Variants in KYNU observed in about 807,000 individuals in gnomAD.
The protein encoded by KYNU is L-kynurenine hydrolase.
Under a neutral mutation model 59.2 loss-of-function variants are expected in KYNU, and 54 were observed. That is an observed-to-expected ratio of 0.91 (90% CI 0.73 to 1.14). The LOEUF (loss-of-function observed/expected upper bound fraction) is 1.14, where lower values mean the gene tolerates loss of function less well. Among genes scored for constraint, KYNU ranks in the 50% most tolerant of loss-of-function variants. KYNU has a pLI of 0.00. For missense variants in KYNU, 567 were observed against 554.4 expected (o/e 1.02, Z -0.23); for synonymous variants, 177 against 192.0 (o/e 0.92, Z 0.65).
At chr2:143,038,054 G>T (rs938206716) in intron 12 of KYNU, among the ~76,000 whole-genome samples, 1 of 152,250 alleles carries the variant, frequency 6.6e-6, no homozygotes, top group Admixed American at 6.5e-5. Flanking sequence ...TCAAGAGAAA[G>T]CTTCAAGAGC....
chr2:143,019,660 T>C (rs928947921), intron 10 of KYNU, among the ~76,000 whole-genome samples: 7 of 152,148 alleles, frequency 4.6e-5, no homozygotes, highest in Admixed American at 3.3e-4. Flanking sequence ...ATCAGGGTAA[T>C]GCTGGCCTCA....
At position 143,033,621 on chromosome 2, in the gene KYNU, T is replaced by C. The variant is rs977325495; in HGVS notation, c.1041+300T>C. On this transcript the variant is annotated intron_variant, in intron 12 of 13. Coordinates refer to ENST00000264170, the MANE Select transcript of KYNU (RefSeq NM_003937.3). Reference sequence around the variant, plus strand: ...CACTTAGAATCTGTTTAAACATGAATAAGTTATTTAACCTTCTCTTGGCCT... The same window carrying C: ...CACTTAGAATCTGTTTAAACATGAACAAGTTATTTAACCTTCTCTTGGCCT... Among the ~76,000 whole-genome samples, 6 of 152,346 alleles carry C rather than the reference T, an allele frequency of 3.9e-5. 1 individual carries two copies. Among genetic ancestry groups the C allele is most frequent in the Middle Eastern group, 6.8e-3 (2 of 294 alleles).
intron 4 of KYNU, among the ~76,000 whole-genome samples, chr2:142,939,620 AAAG>A (rs1683520997): frequency 6.7e-6 from 1 of 148,680 alleles, no homozygotes; most frequent in Non-Finnish European, 1.5e-5. Flanking sequence ...AAAAAAAAAA[AAAG>A]AAAAAAGAAA....
chr2:143,031,996 G>A (rs1427777400), intron 11 of KYNU, among the ~76,000 whole-genome samples: 1 of 152,102 alleles, frequency 6.6e-6, no homozygotes, highest in African/African-American at 2.4e-5. Context: ...TGCTGTTTTT[G>A]GCCGGGCGTG....
intron 8 of KYNU, among the ~76,000 whole-genome samples, chr2:142,961,622 G>A (rs138322333): frequency 8.5e-5 from 13 of 152,116 alleles, no homozygotes; most frequent in African/African-American, 3.1e-4. Flanking sequence ...TAAGACTCTT[G>A]AAAATTTTTT....
intron 2 of KYNU, among the ~76,000 whole-genome samples, chr2:142,898,232 A>G (rs1478629287): frequency 1.3e-5 from 2 of 152,032 alleles, no homozygotes; most frequent in African/African-American, 4.8e-5. Flanking sequence ...GTTAACTTCC[A>G]CAGAGATGTT....
intron 4 of KYNU, among the ~76,000 whole-genome samples, chr2:142,942,096 G>A (rs1209645715): frequency 1.4e-5 from 2 of 147,502 alleles, no homozygotes; most frequent in Admixed American, 7.0e-5. Flanking sequence ...AGAGTTGCTG[G>A]AACCTGGGAG....
intron 2 of KYNU, among the ~76,000 whole-genome samples, chr2:142,903,179 A>AT (rs997048323): frequency 4.0e-5 from 6 of 151,868 alleles, no homozygotes; most frequent in African/African-American, 7.3e-5. Context: ...GTCCTTAACA[A>AT]TTTTTTGGAG....
At chr2:142,933,361 C>T (rs1163507294) in intron 4 of KYNU, among the ~76,000 whole-genome samples, 5 of 151,974 alleles carry the variant, frequency 3.3e-5, no homozygotes, top group African/African-American at 7.3e-5. Flanking sequence ...CCAGAGTAGA[C>T]GGAAAGGTTG....
chr2:142,947,302 C>A (rs932551428), intron 4 of KYNU: 3 of 1,359,334 alleles, frequency 2.2e-6, no homozygotes, highest in Non-Finnish European at 3.0e-6. Context: ...CCACTACACA[C>A]CTGTGTCATA....
chr2:142,977,329 A>C lies in KYNU; in HGVS notation c.730-7755A>C, dbSNP rs1684918297. On this transcript the variant is annotated intron_variant, in intron 8 of 13. Transcript: ENST00000264170. ...CTCAACTAAAATGTGAGCATTTAGA[A>C]TTGATTTTCAGGTGGCTAGCTTCCT... Among the ~76,000 whole-genome samples the C allele has an allele frequency of 3.5e-5, 5 of 144,608 alleles. No individual in the cohort carries two copies. In the Admixed American group the frequency reaches 3.5e-4, roughly 10 times the overall value. The allele number at this position is 144,608 out of a possible 152,430, so 94.9% of individuals were successfully genotyped here. A position where few individuals can be genotyped will look rare whatever the true frequency, so the allele number is the denominator to read the frequency against.
chr2:143,048,671 TAG>T lies in KYNU; in HGVS notation c.*6501_*6502del, dbSNP rs1687211645. 6.6e-6 allele frequency: 1 copy of T among 152,216 alleles called. No individual in the cohort carries two copies. Among genetic ancestry groups the T allele is most frequent in the African/African-American group, 2.4e-5 (1 of 41,468 alleles). The allele number at this position is 152,216 out of a possible 1,614,324, so 9.4% of individuals were successfully genotyped here. ...TACTTAAAAATAGTTTCACTTCATA[TAG>T]AATTCTATGTCGACAGTAATTTTCT... On this transcript the variant is annotated 3_prime_UTR_variant, in exon 14 of 14. Coordinates refer to ENST00000264170, the MANE Select transcript of KYNU (RefSeq NM_003937.3).
chr2:142,956,979 T>A (rs1684185664), intron 6 of KYNU, among the ~76,000 whole-genome samples: 1 of 152,034 alleles, frequency 6.6e-6, no homozygotes, highest in South Asian at 2.1e-4. Flanking sequence ...CTCGTCTCTA[T>A]AAAGTAAATA....
intron 2 of KYNU, among the ~76,000 whole-genome samples, chr2:142,912,302 A>T (rs1020863026): frequency 2.1e-5 from 3 of 144,470 alleles, no homozygotes; most frequent in Non-Finnish European, 4.5e-5. Context: ...GAATTTATCT[A>T]TTTCCTTCAG....
At chr2:142,882,545 G>T (rs1681339311) in intron 1 of KYNU, among the ~76,000 whole-genome samples, 1 of 152,020 alleles carries the variant, frequency 6.6e-6, no homozygotes. Flanking sequence ...TGTTCTCATT[G>T]TTCAGTTCCC....
intron 12 of KYNU, 53 bp downstream of exon 12, chr2:143,033,374 G>A: frequency 8.0e-7 from 1 of 1,255,156 alleles, no homozygotes; most frequent in Non-Finnish European, 1.2e-6. Flanking sequence ...TTCTTGATCT[G>A]TTTGTGACAA....
At chr2:142,922,822 G>A (rs1157119369) in intron 3 of KYNU, among the ~76,000 whole-genome samples, 1 of 152,198 alleles carries the variant, frequency 6.6e-6, no homozygotes, top group African/African-American at 2.4e-5. Context: ...TTTAGGATCT[G>A]TCTTGGTTTG....
At chr2:142,956,032 G>C (rs1684150748) in intron 5 of KYNU, among the ~76,000 whole-genome samples, 171 bp from the exon 6 acceptor site, 1 of 152,042 alleles carries the variant, frequency 6.6e-6, no homozygotes, top group Non-Finnish European at 1.5e-5. Context: ...TTCTCTTTGA[G>C]ATTCACTGGA....
chr2:143,019,976 T>G (rs893567930), intron 10 of KYNU, among the ~76,000 whole-genome samples: 3 of 152,090 alleles, frequency 2.0e-5, no homozygotes, highest in African/African-American at 7.2e-5. Context: ...AGTTGTAATA[T>G]TCCCTTTTCA....
Sources: allele counts gnomAD v4.1 joint callset (sites outside exome capture counted in the v4.1 genomes callset), GRCh38; gene constraint gnomAD v4.1.1; transcripts MANE v1.5; gene names NCBI Gene and HGNC (gene_info 2026-07-23, HGNC 2026-07-21).